The following BLM variants were observed in gnomAD, a reference collection of about 807,000 sequenced individuals.
BLM encodes BLM RecQ like helicase, also known as recQ-like DNA helicase BLM.
In BLM, 95 loss-of-function variants were observed where a neutral mutation model predicts 135.3. The observed-to-expected ratio is 0.70, with a 90% CI of 0.59 to 0.83. The LOEUF (loss-of-function observed/expected upper bound fraction) is 0.83. Ranked by LOEUF, BLM falls within the 40% of genes least tolerant of loss-of-function variation. BLM has a pLI of 0.00. For missense variants in BLM, 1,518 were observed against 1,663.9 expected (o/e 0.91, Z 1.53); for synonymous variants, 520 against 589.2 (o/e 0.88, Z 1.70).
At chr15:90,734,119 C>T (rs1191936137) in intron 1 of BLM, among the ~76,000 whole-genome samples, 1 of 152,004 alleles carries the variant, frequency 6.6e-6, no homozygotes, top group African/African-American at 2.4e-5. Context: ...AAGATGTATA[C>T]CAGGAATGCA....
chr15:90,739,725 C>T (rs1895314562), intron 1 of BLM, among the ~76,000 whole-genome samples: 1 of 152,058 alleles, frequency 6.6e-6, no homozygotes, highest in Non-Finnish European at 1.5e-5. Flanking sequence ...GTCTCTATTT[C>T]TTGTGGCATT....
chr15:90,793,512 C>A (rs28385093), intron 15 of BLM, among the ~76,000 whole-genome samples: 26,143 of 152,032 alleles, frequency 0.17, 2,297 homozygotes, highest in Non-Finnish European at 0.19. Flanking sequence ...GAATCAAATC[C>A]GACACTGCCA....
intron 1 of BLM, among the ~76,000 whole-genome samples, chr15:90,728,615 A>G (rs1894980221): frequency 6.6e-6 from 1 of 151,454 alleles, no homozygotes; most frequent in Admixed American, 6.6e-5. Context: ...CATGTTGGCC[A>G]GGCTGGTCTC....
chr15:90,798,376 GA>G, intron 17 of BLM, 39 bp downstream of exon 17: 1 of 1,592,232 alleles, frequency 6.3e-7, no homozygotes, highest in Non-Finnish European at 8.6e-7. Context: ...TACTTCAATT[GA>G]AATTGAACAT....
intron 1 of BLM, among the ~76,000 whole-genome samples, chr15:90,744,582 G>A (rs1895450475): frequency 6.6e-6 from 1 of 151,988 alleles, no homozygotes; most frequent in Non-Finnish European, 1.5e-5. Context: ...ATATTGGCCA[G>A]GTTGGTCTTG....
Position 90,769,465 on chromosome 15 carries a change from A to G in BLM, c.2434A>G (p.Lys812Glu), listed in dbSNP as rs763827222. 6.2e-7 allele frequency: 1 copy of G among 1,614,196 alleles called. No homozygotes were observed. Among genetic ancestry groups the G allele is most frequent in the Non-Finnish European group, 8.5e-7 (1 of 1,180,018 alleles). The change falls in exon 12 of 22, where the codon AAA becomes GAA. Residue 812 changes from lysine (K) to glutamate (E), a missense_variant. Physicochemically the swap from Lys to Glu is moderately conservative, Grantham distance 56. Around this residue, in one of 5 missense-constraint regions of BLM, gnomAD observed 626 missense variants for 681.1 expected, o/e 0.92. Transcript: ENST00000355112. ...QWGHDFRQDY[K>E]RMNMLRQKFP... is the part of the protein sequence containing the mutation. ...GGGACATGATTTTCGTCAAGATTAC[A>G]AAAGAATGAATATGCTTCGCCAGAA... is the stretch of plus-strand genomic sequence containing the variant.
rs376445417 is a variant in BLM at position 90,811,416 on chromosome 15, G to A, written c.4076+10G>A. ...GTTCCAAGGCAAAGGGGTATGTTTT[G>A]TGACATCTTTTTCAATATAGGGAAC... On this transcript the variant is annotated intron_variant, in intron 21 of 21. Transcript: ENST00000355112. The A allele has an allele frequency of 6.2e-7, 1 of 1,613,536 alleles. No individual in the cohort carries two copies. Among genetic ancestry groups the A allele is most frequent in the Non-Finnish European group, 8.5e-7 (1 of 1,179,532 alleles).
intron 1 of BLM, among the ~76,000 whole-genome samples, chr15:90,739,272 G>A (rs964837045): frequency 6.6e-6 from 1 of 152,026 alleles, no homozygotes; most frequent in Non-Finnish European, 1.5e-5. Context: ...TTGATGGCAC[G>A]CACCTGTAAT....
At chr15:90,790,486 T>C (rs750933269) in intron 14 of BLM, 163 bp from the exon 15 acceptor site, 1 of 474,250 alleles carries the variant, frequency 2.1e-6, no homozygotes, top group African/African-American at 2.5e-5. Context: ...TAAAAACTCA[T>C]ATTAGTTATA....
chr15:90,721,542 C>T lies in BLM; in HGVS notation c.-5+4102C>T, dbSNP rs576945644. Among the ~76,000 whole-genome samples the T allele has an allele frequency of 2.0e-3, 304 of 152,174 alleles. 2 individuals carry two copies. The highest frequency in any genetic ancestry group is 7.1e-3 in the African/African-American group (294 of 41,548). The stretch of plus-strand genomic sequence containing the variant: ...GGGTTTCACCATGTCAGGCTGGTCT[C>T]AAACTCCTGACCTTAGGTGATCTAC... On this transcript the variant is annotated intron_variant, in intron 1 of 21. Transcript: ENST00000355112.
chr15:90,789,991 T>TTTTG (rs1896860049), intron 14 of BLM, among the ~76,000 whole-genome samples: 3 of 50,558 alleles, frequency 5.9e-5, no homozygotes, highest in African/African-American at 2.8e-4. Flanking sequence ...CCTGGTGTTT[T>TTTTG]TTTTTTTTTT....
At chr15:90,777,964 G>A (rs992048400) in intron 12 of BLM, among the ~76,000 whole-genome samples, 3 of 152,154 alleles carry the variant, frequency 2.0e-5, no homozygotes, top group Non-Finnish European at 4.4e-5. Context: ...TAATATTGCA[G>A]TGTATCAGTA....
intron 8 of BLM, among the ~76,000 whole-genome samples, chr15:90,763,502 A>G (rs1896041669): frequency 6.6e-6 from 1 of 152,206 alleles, no homozygotes; most frequent in Admixed American, 6.5e-5. Context: ...TTTATTTGCA[A>G]CAATCTGGTG....
chr15:90,769,232 G>A lies in BLM; in HGVS notation c.2406+1G>A, dbSNP rs1357735158. 6.2e-7 allele frequency: 1 copy of A among 1,603,762 alleles called. No homozygotes were observed. The highest frequency in any genetic ancestry group is 2.2e-5 in the East Asian group (1 of 44,836). ...TGATGAAGCACATTGTGTCAGTCAG[G>A]TAAATACTGTTTTTTATATCCGGAA... On this transcript the variant is annotated splice_donor_variant, in intron 11 of 21. Transcript: ENST00000355112. LOFTEE classifies it high-confidence loss of function.
chr15:90,765,188 G>A lies in BLM; in HGVS notation c.2075-108G>A. On this transcript the variant is annotated intron_variant, in intron 8 of 21. Transcript: ENST00000355112. ...GAGTATGGCAAATTGTTGGCACCAG[G>A]GACAATATGCCTTGGTGTCCTATTA... 5 of 885,040 alleles carry A rather than the reference G, an allele frequency of 5.6e-6. No individual in the cohort carries two copies. The South Asian group carries it at 6.6e-5, about 12-fold the overall frequency. 54.8% of individuals were successfully genotyped at this position (885,040 alleles called of 1,614,324 possible).
chr15:90,758,893 C>A (rs1895886941), intron 5 of BLM, among the ~76,000 whole-genome samples: 1 of 152,136 alleles, frequency 6.6e-6, no homozygotes. Flanking sequence ...AATAGGAAAT[C>A]TTGGTAACAG....
intron 1 of BLM, among the ~76,000 whole-genome samples, chr15:90,738,590 A>G (rs1462607311): frequency 2.7e-5 from 4 of 150,792 alleles, no homozygotes; most frequent in African/African-American, 9.9e-5. Flanking sequence ...AAAACAAAAC[A>G]AAACAAAACA....
intron 1 of BLM, among the ~76,000 whole-genome samples, chr15:90,721,314 T>C (rs971286096): frequency 3.3e-5 from 5 of 152,132 alleles, no homozygotes; most frequent in African/African-American, 1.2e-4. Flanking sequence ...TGTTATTTGT[T>C]GCTAATTTTT....
chr15:90,809,499 G>A (rs1291934714), intron 20 of BLM, among the ~76,000 whole-genome samples: 1 of 152,172 alleles, frequency 6.6e-6, no homozygotes, highest in East Asian at 1.9e-4. Context: ...CCCAGGGGTT[G>A]CTGGTTCCCG....
Sources: allele counts gnomAD v4.1 joint callset (sites outside exome capture counted in the v4.1 genomes callset), GRCh38; gene constraint gnomAD v4.1.1; regional missense constraint gnomAD v4.1.1; transcripts MANE v1.5; gene names NCBI Gene and HGNC (gene_info 2026-07-23, HGNC 2026-07-21).